The following GRIN2B variants were observed in gnomAD, a reference collection of about 807,000 sequenced individuals.
GRIN2B encodes glutamate ionotropic receptor NMDA type subunit 2B, also known as glutamate receptor ionotropic, NMDA 2B.
Under a neutral mutation model 114.5 loss-of-function variants are expected in GRIN2B, and 5 were observed. The ratio of observed to expected loss-of-function variants is 0.04; its 90% CI spans 0.02 to 0.09. GRIN2B has a LOEUF of 0.09. Among genes scored for constraint, GRIN2B ranks in the 10% least tolerant of loss-of-function variants. GRIN2B has a pLI of 1.00. For synonymous variants in GRIN2B, 787 were observed against 745.1 expected, an observed-to-expected ratio of 1.06 and a Z score of -0.92; for missense variants, 1,108 against 1,943.5, an observed-to-expected ratio of 0.57 and a Z score of 8.08.
intron 2 of GRIN2B, among the ~76,000 whole-genome samples, chr12:13,957,875 A>C (rs918124931): frequency 9.9e-5 from 15 of 152,230 alleles, no homozygotes; most frequent in African/African-American, 3.4e-4. Context: ...CAGATTAGGC[A>C]AATTACTAAC....
intron 4 of GRIN2B, among the ~76,000 whole-genome samples, chr12:13,744,388 C>A (rs1174879723): frequency 1.3e-5 from 2 of 152,180 alleles, no homozygotes; most frequent in East Asian, 3.8e-4. Flanking sequence ...TAGGTGCTGT[C>A]TGGATGAGGA....
intron 2 of GRIN2B, among the ~76,000 whole-genome samples, chr12:13,941,942 C>G (rs940421942): frequency 6.6e-6 from 1 of 152,204 alleles, no homozygotes; most frequent in Non-Finnish European, 1.5e-5. Context: ...CATGTTACTG[C>G]CCTCTCCTGG....
At chr12:13,709,746 C>A (rs190962611) in intron 4 of GRIN2B, among the ~76,000 whole-genome samples, 2 of 152,016 alleles carry the variant, frequency 1.3e-5, no homozygotes, top group Non-Finnish European at 2.9e-5. Flanking sequence ...TATTTCTCAG[C>A]ATTCCCTTTT....
chr12:13,962,435 T>C (rs1591643263), intron 2 of GRIN2B, among the ~76,000 whole-genome samples: 1 of 152,226 alleles, frequency 6.6e-6, no homozygotes, highest in Admixed American at 6.5e-5. Context: ...GAAAATTGCA[T>C]TCGTTTTGTA....
chr12:13,681,365 T>C (rs1007710970), intron 4 of GRIN2B, among the ~76,000 whole-genome samples: 2 of 152,280 alleles, frequency 1.3e-5, no homozygotes, highest in Admixed American at 6.5e-5. Context: ...CCTAGTCCGG[T>C]GTTCTTTCCA....
rs1591600648 is a variant in GRIN2B at position 13,556,821 on chromosome 12, G to A, written c.*5962C>T. 1 of 152,302 alleles carries A rather than the reference G, an allele frequency of 6.6e-6. No individual in the cohort carries two copies. Among genetic ancestry groups the A allele is most frequent in the East Asian group, 1.9e-4 (1 of 5,188 alleles). 9.4% of individuals were successfully genotyped at this position (152,302 alleles called of 1,614,324 possible). A position where few individuals can be genotyped will look rare whatever the true frequency, so the allele number is the denominator to read the frequency against. On this transcript the variant is annotated 3_prime_UTR_variant, in exon 14 of 14. Coordinates refer to ENST00000609686, the MANE Select transcript of GRIN2B (RefSeq NM_000834.5). Reference sequence around the variant, plus strand: ...GCAATTATATTCAAAGCATGAAGCAGCTCCAGAAACTCACTGTACAGAGCT... The same window carrying A: ...GCAATTATATTCAAAGCATGAAGCAACTCCAGAAACTCACTGTACAGAGCT...
intron 2 of GRIN2B, among the ~76,000 whole-genome samples, chr12:13,933,751 G>T (rs1393055677): frequency 6.6e-6 from 1 of 152,220 alleles, no homozygotes; most frequent in Non-Finnish European, 1.5e-5. Context: ...GGCTGCAGGT[G>T]CATGGCCAAG....
At chr12:13,884,279 G>A (rs757944377) in intron 2 of GRIN2B, among the ~76,000 whole-genome samples, 1 of 151,996 alleles carries the variant, frequency 6.6e-6, no homozygotes, top group Non-Finnish European at 1.5e-5. Context: ...CCTACTGGGA[G>A]TTTGACTGTG....
At chr12:13,624,244 T>C (rs1949547412) in intron 5 of GRIN2B, among the ~76,000 whole-genome samples, 1 of 152,224 alleles carries the variant, frequency 6.6e-6, no homozygotes, top group African/African-American at 2.4e-5. Flanking sequence ...TTTTGTCCCT[T>C]GTACTGGCAT....
chr12:13,814,917 G>A (rs1864789769), intron 3 of GRIN2B, among the ~76,000 whole-genome samples: 2 of 152,080 alleles, frequency 1.3e-5, no homozygotes, highest in Admixed American at 6.6e-5. Context: ...GTCTATGAAT[G>A]TTATTTTCAA....
intron 10 of GRIN2B, among the ~76,000 whole-genome samples, chr12:13,593,303 G>A (rs963733253): frequency 5.9e-5 from 9 of 152,116 alleles, no homozygotes; most frequent in African/African-American, 1.2e-4. Context: ...TATACTACAA[G>A]CCTACAGTAA....
At chr12:13,885,732 T>C (rs951650581) in intron 2 of GRIN2B, among the ~76,000 whole-genome samples, 4 of 152,198 alleles carry the variant, frequency 2.6e-5, no homozygotes, top group African/African-American at 7.2e-5. Flanking sequence ...AAGTTTTAAA[T>C]AGGAGTCTCA....
chr12:13,697,811 A>G (rs1950274774), intron 4 of GRIN2B, among the ~76,000 whole-genome samples: 2 of 152,198 alleles, frequency 1.3e-5, no homozygotes, highest in African/African-American at 4.8e-5. Context: ...ACACACACAC[A>G]CAAAAACAGT....
At chr12:13,874,574 G>A (rs1477995551) in intron 2 of GRIN2B, among the ~76,000 whole-genome samples, 1 of 151,972 alleles carries the variant, frequency 6.6e-6, no homozygotes, top group East Asian at 1.9e-4. Context: ...TTAATTTATA[G>A]GCCTCCAAGG....
rs1948274830 is a variant in GRIN2B, at chr12:13,541,238, A to T, written c.*21545T>A. The T allele has an allele frequency of 1.3e-5, 2 of 152,190 alleles. No homozygotes were observed. Among genetic ancestry groups the T allele is most frequent in the African/African-American group, 4.8e-5 (2 of 41,438 alleles). 9.4% of individuals were successfully genotyped at this position (152,190 alleles called of 1,614,324 possible). A position where few individuals can be genotyped will look rare whatever the true frequency, so the allele number is the denominator to read the frequency against. Reference sequence around the variant, plus strand: ...TTCCACAAGCGTCAGGGCTACTCTGAAGTATTAATGCTGGGATAGTCACTG... The same window carrying T: ...TTCCACAAGCGTCAGGGCTACTCTGTAGTATTAATGCTGGGATAGTCACTG... On this transcript the variant is annotated 3_prime_UTR_variant, in exon 14 of 14. Transcript: ENST00000609686.
intron 3 of GRIN2B, among the ~76,000 whole-genome samples, chr12:13,825,519 T>TGTGTGTGTGTGC (rs1322403836): frequency 2.7e-5 from 4 of 146,388 alleles, no homozygotes; most frequent in African/African-American, 1.0e-4. Flanking sequence ...TGTGTGTGTG[T>TGTGTGTGTGTGC]GTGTGTGTGT....
chr12:13,671,348 A>C (rs1000968845), intron 5 of GRIN2B, among the ~76,000 whole-genome samples: 2 of 152,312 alleles, frequency 1.3e-5, no homozygotes, highest in Admixed American at 1.3e-4. Context: ...ATAAATGGCA[A>C]CATGGAGAAC....
intron 3 of GRIN2B, among the ~76,000 whole-genome samples, chr12:13,765,599 T>C (rs978131728): frequency 3.9e-5 from 6 of 152,254 alleles, no homozygotes; most frequent in Non-Finnish European, 7.3e-5. Context: ...CTTTTCTTCC[T>C]GAGCCTAAAC....
Position 13,675,848 on chromosome 12 carries a change from T to C in GRIN2B, c.1022A>G (p.Asn341Ser). The change falls in exon 5 of 14, where the codon AAT becomes AGT. Residue 341 changes from asparagine to serine, a missense_variant. Coordinates refer to ENST00000609686, the MANE Select transcript of GRIN2B (RefSeq NM_000834.5). Reference protein sequence around the residue: ...QSNMLNRYLINVTFEGRNLSF... With the variant: ...QSNMLNRYLISVTFEGRNLSF... ...CAAATTCCTCCCCTCAAAAGTGACA[T>C]TGATCAGATACCTGTAAAGATAAAA... The C allele has an allele frequency of 6.4e-7, 1 of 1,564,706 alleles. No homozygotes were observed.
Sources: gnomAD v4.1 joint callset for allele counts (sites outside exome capture counted in the v4.1 genomes callset) on GRCh38, gnomAD v4.1.1 for gene constraint, MANE v1.5 for transcripts, NCBI Gene and HGNC (gene_info 2026-07-23, HGNC 2026-07-21) for gene names.